DIP2C: variants seen among roughly 807,000 people sequenced by gnomAD.
The protein encoded by DIP2C is disco-interacting protein 2 homolog C.
DIP2C carries 33 observed loss-of-function variants against 192.4 expected under a neutral mutation model. The observed-to-expected ratio is 0.17, with a 90% CI of 0.13 to 0.23. The LOEUF (loss-of-function observed/expected upper bound fraction) is 0.23. Ranked by LOEUF, DIP2C falls within the 10% of genes least tolerant of loss-of-function variation. The pLI is 1.00. For missense variants in DIP2C, 1,537 were observed against 2,110.1 expected, an observed-to-expected ratio of 0.73 and a Z score of 5.32; for synonymous variants, 979 against 864.1, an observed-to-expected ratio of 1.13 and a Z score of -2.33.
At chr10:637,625 A>G (rs1405954799) in intron 1 of DIP2C, among the ~76,000 whole-genome samples, 1 of 152,168 alleles carries the variant, frequency 6.6e-6, no homozygotes, top group East Asian at 1.9e-4. Flanking sequence ...TCCTAGCACC[A>G]TCTCCTCCGG....
At chr10:414,739 G>GTGTGTATATATATATATATATATATA in intron 7 of DIP2C, among the ~76,000 whole-genome samples, 72 of 90,510 alleles carry the variant, frequency 8.0e-4, no homozygotes, top group East Asian at 1.7e-3. Context: ...GTGTGTGTGT[G>GTGTGTATATATATATATATATATATA]TACATATATA....
chr10:610,368 TCTA>T (rs1308030068), intron 1 of DIP2C, among the ~76,000 whole-genome samples: 1 of 152,074 alleles, frequency 6.6e-6, no homozygotes, highest in Non-Finnish European at 1.5e-5. Flanking sequence ...GAGCACAAGA[TCTA>T]CTATTGATAA....
chr10:551,426 G>T (rs1848581163), intron 1 of DIP2C, among the ~76,000 whole-genome samples: 1 of 152,194 alleles, frequency 6.6e-6, no homozygotes, highest in Non-Finnish European at 1.5e-5. Flanking sequence ...CAGGCTGCAG[G>T]TCTGCACTCG....
At chr10:507,569 C>T (rs938489003) in intron 1 of DIP2C, among the ~76,000 whole-genome samples, 5 of 152,192 alleles carry the variant, frequency 3.3e-5, no homozygotes, top group Admixed American at 6.5e-5. Flanking sequence ...ACTGTGTGCG[C>T]GGTGACGGAC....
intron 1 of DIP2C, among the ~76,000 whole-genome samples, chr10:597,351 C>T (rs769441923): frequency 2.0e-5 from 3 of 151,988 alleles, no homozygotes; most frequent in Non-Finnish European, 4.4e-5. Flanking sequence ...CCCCTGGACA[C>T]ACACACACCG....
At chr10:648,746 C>CGGTGGGCG (rs1855656370) in intron 1 of DIP2C, among the ~76,000 whole-genome samples, 1 of 114,300 alleles carries the variant, frequency 8.7e-6, no homozygotes, top group Admixed American at 9.2e-5. Context: ...CCACAGTGGA[C>CGGTGGGCG]AGTGGGCGAG....
chr10:560,303 T>A (rs58517389), intron 1 of DIP2C, among the ~76,000 whole-genome samples: 1 of 151,844 alleles, frequency 6.6e-6, no homozygotes, highest in East Asian at 1.9e-4. Context: ...AATGAGGCCA[T>A]GTGAACACAA....
intron 31 of DIP2C, among the ~76,000 whole-genome samples, chr10:318,680 C>A (rs991916607): frequency 6.6e-6 from 1 of 152,172 alleles, no homozygotes; most frequent in Non-Finnish European, 1.5e-5. Flanking sequence ...TGATCCCCAG[C>A]GTGGCTGGGA....
intron 1 of DIP2C, among the ~76,000 whole-genome samples, chr10:631,501 G>A (rs575978036): frequency 3.5e-4 from 54 of 152,236 alleles, no homozygotes; most frequent in Non-Finnish European, 5.7e-4. Flanking sequence ...GTCACCTGGC[G>A]ACAGCGGATG....
chr10:427,144 G>A (rs1345298998), intron 4 of DIP2C, among the ~76,000 whole-genome samples: 1 of 152,212 alleles, frequency 6.6e-6, no homozygotes, highest in Non-Finnish European at 1.5e-5. Context: ...CTGAGTGTCA[G>A]CAGAGCTACG....
chr10:525,095 C>CT (rs1846974125), intron 1 of DIP2C, among the ~76,000 whole-genome samples: 2 of 152,102 alleles, frequency 1.3e-5, no homozygotes, highest in Middle Eastern at 3.4e-3. Context: ...ACATGACATC[C>CT]TTAAAGACAA....
At chr10:449,053 G>A (rs1425158008) in intron 3 of DIP2C, among the ~76,000 whole-genome samples, 1 of 148,226 alleles carries the variant, frequency 6.7e-6, no homozygotes, top group Non-Finnish European at 1.5e-5. Context: ...CAGTGGGGCA[G>A]CAGGACCTGC....
At chr10:305,972 A>ATATATAT (rs1956296516) in intron 32 of DIP2C, among the ~76,000 whole-genome samples, 5 of 146,288 alleles carry the variant, frequency 3.4e-5, no homozygotes, top group African/African-American at 1.3e-4. Flanking sequence ...AATGCAGACA[A>ATATATAT]ATATATATAT....
chr10:528,381 A>T lies in DIP2C; in HGVS notation c.86-41851T>A, dbSNP rs61831025. Among the ~76,000 whole-genome samples, 388 of 81,916 alleles carry T rather than the reference A, an allele frequency of 4.7e-3. 2 individuals are homozygous for T. The highest frequency in any genetic ancestry group is 0.017 in the Middle Eastern group (3 of 172). 53.7% of individuals were successfully genotyped at this position (81,916 alleles called of 152,430 possible). ...CCCACCCAGAACGCAGACCGCCCGC[A>T]GCTCCCCCAGAACGCAGACCGCCCA... On this transcript the variant is annotated intron_variant, in intron 1 of 36. Transcript: ENST00000280886.
chr10:487,865 C>T lies in DIP2C; in HGVS notation c.86-1335G>A, dbSNP rs564556879. On this transcript the variant is annotated intron_variant, in intron 1 of 36. Coordinates refer to ENST00000280886, the MANE Select transcript of DIP2C (RefSeq NM_014974.3). ...TGCTGAGATTACAGGCGTGAGCCAC[C>T]GTGCCCAGCCGATGCTAACTAGGTA... Among the ~76,000 whole-genome samples the T allele has an allele frequency of 2.3e-4, 35 of 152,244 alleles. No homozygotes were observed. The South Asian group carries it at 6.0e-3, about 26-fold the overall frequency.
At chr10:543,539 G>T (rs146025862) in intron 1 of DIP2C, among the ~76,000 whole-genome samples, 2 of 152,188 alleles carry the variant, frequency 1.3e-5, no homozygotes, top group African/African-American at 4.8e-5. Flanking sequence ...CCCTGAATAC[G>T]GTTGTTACGT....
intron 32 of DIP2C, among the ~76,000 whole-genome samples, chr10:308,618 T>A (rs1956433469): frequency 6.6e-6 from 1 of 152,276 alleles, no homozygotes; most frequent in Non-Finnish European, 1.5e-5. Context: ...ACTACATTTC[T>A]GATTTTTCTA....
At chr10:520,654 G>A (rs538400932) in intron 1 of DIP2C, among the ~76,000 whole-genome samples, 5 of 152,256 alleles carry the variant, frequency 3.3e-5, no homozygotes, top group African/African-American at 7.2e-5. Flanking sequence ...GCACTCCCCC[G>A]CTGCTCCCAG....
intron 31 of DIP2C, among the ~76,000 whole-genome samples, chr10:318,008 G>C (rs778088913): frequency 2.6e-5 from 4 of 152,200 alleles, no homozygotes; most frequent in Non-Finnish European, 5.9e-5. Flanking sequence ...TAATTCCAGA[G>C]GCTTCGGCTT....
Sources: allele counts gnomAD v4.1 joint callset (sites outside exome capture counted in the v4.1 genomes callset), GRCh38; gene constraint gnomAD v4.1.1; transcripts MANE v1.5; gene names NCBI Gene and HGNC (gene_info 2026-07-23, HGNC 2026-07-21).